The following FSTL4 variants were observed in gnomAD, a reference collection of about 807,000 sequenced individuals.
FSTL4 encodes follistatin like 4, also known as follistatin-related protein 4.
A neutral mutation model predicts 78.2 loss-of-function variants in FSTL4; 28 were observed. That is an observed-to-expected ratio of 0.36 (90% CI 0.27 to 0.49). The LOEUF is 0.49. Among genes scored for constraint, FSTL4 ranks in the 20% least tolerant of loss-of-function variants. FSTL4 has a pLI of 0.98. For synonymous variants in FSTL4, 422 were observed against 440.5 expected (o/e 0.96, Z 0.53); for missense variants, 922 against 1,084.9 (o/e 0.85, Z 2.11).
At position 133,236,373 on chromosome 5, in the gene FSTL4, G is replaced by C. The variant is rs555832844; in HGVS notation, c.895-2836C>G. Among the ~76,000 whole-genome samples the C allele has an allele frequency of 2.0e-5, 3 of 152,108 alleles. No individual in the cohort carries two copies. In the East Asian group the frequency reaches 5.8e-4, roughly 29 times the overall value. ...AACATACGGTCTTCAAGAGGTTACC[G>C]TGTGCCGGGAACTTACACGTCACCT... is the stretch of plus-strand genomic sequence containing the variant. On this transcript the variant is annotated intron_variant, in intron 7 of 15. Transcript: ENST00000265342. This position sits in a 1 kb window ranked among gnomAD's most constrained non-coding sequence, Gnocchi z 5.0.
the FSTL4 span, among the ~76,000 whole-genome samples, chr5:133,668,483 T>C: frequency 6.6e-6 from 1 of 152,330 alleles, no homozygotes; most frequent in East Asian, 1.9e-4. Flanking sequence ...TGCATCTCTA[T>C]TTCCTCTACA....
At chr5:133,629,604 C>T in the FSTL4 span, among the ~76,000 whole-genome samples, 97 of 152,266 alleles carry the variant, frequency 6.4e-4, no homozygotes, top group African/African-American at 2.3e-3. Context: ...TGAAAGTATT[C>T]CAAACAATAG....
At chr5:133,659,973 C>A in the FSTL4 span, among the ~76,000 whole-genome samples, 17 of 152,098 alleles carry the variant, frequency 1.1e-4, no homozygotes, top group Non-Finnish European at 2.4e-4. Context: ...CAAAAAGAGA[C>A]AGAGAGAAAT....
chr5:133,812,997 T>A, the FSTL4 span, among the ~76,000 whole-genome samples: 12 of 152,228 alleles, frequency 7.9e-5, no homozygotes, highest in Non-Finnish European at 2.9e-5. Context: ...TGGCTCCCTT[T>A]GGCCATCGTG....
the FSTL4 span, among the ~76,000 whole-genome samples, chr5:133,641,253 A>C: frequency 6.0e-5 from 9 of 149,980 alleles, no homozygotes; most frequent in Non-Finnish European, 1.2e-4. Context: ...AACAAAACAA[A>C]ACACACACAC....
chr5:133,272,571 ATTC>A (rs1372842311), intron 6 of FSTL4, among the ~76,000 whole-genome samples: 1 of 152,248 alleles, frequency 6.6e-6, no homozygotes, highest in Non-Finnish European at 1.5e-5. Flanking sequence ...TCATCCTAAT[ATTC>A]TTCTTATTGC....
intron 3 of FSTL4, among the ~76,000 whole-genome samples, chr5:133,467,250 ATATG>A (rs1757733984): frequency 7.6e-6 from 1 of 132,150 alleles, no homozygotes; most frequent in Non-Finnish European, 1.6e-5. Context: ...GAGAATGAGT[ATATG>A]TGAGTGTGTG....
chr5:133,676,918 C>T, the FSTL4 span, among the ~76,000 whole-genome samples: 6 of 152,170 alleles, frequency 3.9e-5, no homozygotes, highest in South Asian at 2.1e-4. Context: ...TTTTCCACCA[C>T]GAGGGTTTTA....
At chr5:133,727,844 C>T in the FSTL4 span, among the ~76,000 whole-genome samples, 1 of 152,290 alleles carries the variant, frequency 6.6e-6, no homozygotes, top group Non-Finnish European at 1.5e-5. Context: ...CAGGATGCAG[C>T]GTCAGGGGAG....
At chr5:133,668,392 A>T in the FSTL4 span, among the ~76,000 whole-genome samples, 6 of 152,272 alleles carry the variant, frequency 3.9e-5, no homozygotes, top group Admixed American at 3.9e-4. Flanking sequence ...GTAAAAATGG[A>T]GACTTATTTC....
At chr5:133,250,585 C>T (rs555675090) in intron 6 of FSTL4, among the ~76,000 whole-genome samples, 2 of 152,264 alleles carry the variant, frequency 1.3e-5, no homozygotes, top group Non-Finnish European at 2.9e-5. Context: ...TGGAACGAAG[C>T]AGAGTTGGGA....
intron 6 of FSTL4, among the ~76,000 whole-genome samples, chr5:133,287,336 TGAG>T (rs1265143891): frequency 6.8e-6 from 1 of 147,818 alleles, no homozygotes; most frequent in Non-Finnish European, 1.5e-5. Context: ...TGCAGTGAGC[TGAG>T]ATCGCACCAC....
intron 6 of FSTL4, among the ~76,000 whole-genome samples, chr5:133,299,530 G>A (rs1753483300): frequency 6.6e-6 from 1 of 152,176 alleles, no homozygotes; most frequent in Non-Finnish European, 1.5e-5. Flanking sequence ...AAAGTGGACA[G>A]TCAGCCTCTG....
chr5:133,316,763 A>G (rs1287341934), intron 4 of FSTL4, 111 bp from the exon 5 acceptor site: 1 of 819,608 alleles, frequency 1.2e-6, no homozygotes, highest in Non-Finnish European at 1.9e-6. Flanking sequence ...GGCGTTCACT[A>G]TGTGCAGTGC....
intron 3 of FSTL4, among the ~76,000 whole-genome samples, chr5:133,512,282 T>C (rs1758751206): frequency 6.6e-6 from 1 of 151,906 alleles, no homozygotes; most frequent in Non-Finnish European, 1.5e-5. Context: ...TCAGACTCGA[T>C]ACTGATCATA....
At chr5:133,598,093 C>A (rs1035310353) in intron 2 of FSTL4, among the ~76,000 whole-genome samples, 4 of 152,116 alleles carry the variant, frequency 2.6e-5, no homozygotes, top group African/African-American at 9.7e-5. Flanking sequence ...CTAAGCTAGT[C>A]TCATCAAGCT....
chr5:133,611,061 G>A lies in FSTL4; in HGVS notation c.-11+1264C>T, dbSNP rs1761078716. Among the ~76,000 whole-genome samples, 1 of 152,188 alleles carries A rather than the reference G, an allele frequency of 6.6e-6. No homozygotes were observed. Among genetic ancestry groups the A allele is most frequent in the African/African-American group, 2.4e-5 (1 of 41,450 alleles). On this transcript the variant is annotated intron_variant, in intron 1 of 15. Coordinates refer to ENST00000265342, the MANE Select transcript of FSTL4 (RefSeq NM_015082.2). The surrounding 1 kb of genome is among the most constrained non-coding windows in gnomAD (Gnocchi z 4.9). ...GGTAACAGACCAAGCTGCCGGCGCT[G>A]TTTTTCACTGGAGGAAAGCTCGGCG...
intron 3 of FSTL4, among the ~76,000 whole-genome samples, chr5:133,564,208 T>C (rs1344421504): frequency 6.6e-6 from 1 of 152,206 alleles, no homozygotes; most frequent in African/African-American, 2.4e-5. Flanking sequence ...TAATCCATTA[T>C]GACTTCATCT....
intron 3 of FSTL4, among the ~76,000 whole-genome samples, chr5:133,478,236 T>G (rs1388147866): frequency 1.3e-5 from 2 of 152,256 alleles, no homozygotes; most frequent in African/African-American, 4.8e-5. Context: ...AAAGCCCACA[T>G]TGTGGCCCCA....
Sources: gnomAD v4.1 joint callset for allele counts (sites outside exome capture counted in the v4.1 genomes callset) on GRCh38, gnomAD v4.1.1 for gene constraint, Gnocchi (gnomAD v3.1) non-coding constraint, MANE v1.5 for transcripts, NCBI Gene and HGNC (gene_info 2026-07-23, HGNC 2026-07-21) for gene names.